The following SART3 variants were observed in gnomAD, a reference collection of about 807,000 sequenced individuals.
The protein encoded by SART3 is spliceosome associated factor 3, U4/U6 recycling protein.
A neutral mutation model predicts 122.3 loss-of-function variants in SART3; 44 were observed. The ratio of observed to expected loss-of-function variants is 0.36; its 90% CI spans 0.28 to 0.46. SART3 has a LOEUF of 0.46. SART3 is among the 20% of genes least tolerant of loss of function. The pLI is 1.00. For missense variants in SART3, 1,101 were observed against 1,229.0 expected, an observed-to-expected ratio of 0.90 and a Z score of 1.56; for synonymous variants, 442 against 454.0, an observed-to-expected ratio of 0.97 and a Z score of 0.34.
At chr12:108,550,013 C>CAAAAAAAAAAAAAAAAAAA (rs10572379) in intron 1 of SART3, among the ~76,000 whole-genome samples, 1 of 88,244 alleles carries the variant, frequency 1.1e-5, no homozygotes, top group Non-Finnish European at 2.2e-5. Context: ...GACCCAATCT[C>CAAAAAAAAAAAAAAAAAAA]AAAAAAAAAA....
chr12:108,526,666 C>T (rs1872400400), intron 15 of SART3, 113 bp from the exon 16 acceptor site: 1 of 1,141,472 alleles, frequency 8.8e-7, no homozygotes, highest in South Asian at 1.3e-5. Context: ...CACTTACTCC[C>T]TCACCAGACT....
chr12:108,560,979 T>C lies in SART3; in HGVS notation c.176A>G (p.Glu59Gly). The change falls in exon 1 of 19, where the codon GAG (glutamate) becomes GGG (glycine). Residue 59 changes from glutamate (E) to glycine (G), a missense_variant. Coordinates refer to ENST00000546815, the MANE Select transcript of SART3 (RefSeq NM_014706.4). The stretch of plus-strand genomic sequence containing the variant: ...CCCATCGCTCTCGCTCACGCCTTCC[T>C]CCTGCTGATCCCACGCTGGCCCCAT... ...KTMGPAWDQQ[E>G]EGVSESDGDE... is the part of the protein sequence containing the mutation. The C allele has an allele frequency of 6.2e-7, 1 of 1,614,148 alleles. No individual in the cohort carries two copies. Among genetic ancestry groups the C allele is most frequent in the Non-Finnish European group, 8.5e-7 (1 of 1,180,008 alleles).
At chr12:108,542,829 C>T in intron 6 of SART3, 199 bp downstream of exon 6, 1 of 738,782 alleles carries the variant, frequency 1.4e-6, no homozygotes, top group Non-Finnish European at 2.3e-6. Flanking sequence ...TTCTAAGGTA[C>T]TGGCAATGTT....
At chr12:108,543,225 G>T in intron 5 of SART3, 73 bp from the exon 6 acceptor site, 1 of 1,573,652 alleles carries the variant, frequency 6.4e-7, no homozygotes, top group Non-Finnish European at 8.7e-7. Context: ...ATTAAGCCAT[G>T]AGACTCAGGT....
In SART3 at chr12:108,553,787, G is replaced by A. The variant is rs79769772; in HGVS notation, c.313-4573C>T. Among the ~76,000 whole-genome samples, 759 of 152,248 alleles carry A rather than the reference G, an allele frequency of 5.0e-3. 8 individuals carry two copies. The highest frequency in any genetic ancestry group is 0.016 in the African/African-American group (674 of 41,530). On this transcript the variant is annotated intron_variant, in intron 1 of 18. Coordinates refer to ENST00000546815, the MANE Select transcript of SART3 (RefSeq NM_014706.4). ...AGAGAATACAAATATGAAGGATTAC[G>A]GGGTTTTGTTCAAGTGTTTAGATTT... is the stretch of plus-strand genomic sequence containing the variant.
At chr12:108,544,607 C>A in intron 4 of SART3, 129 bp from the exon 5 acceptor site, 3 of 1,320,092 alleles carry the variant, frequency 2.3e-6, no homozygotes, top group Non-Finnish European at 3.3e-6. Flanking sequence ...CTTGCTGTCA[C>A]CCTGGCTGGA....
intron 1 of SART3, among the ~76,000 whole-genome samples, chr12:108,552,553 AC>A (rs2030054806): frequency 1.3e-5 from 2 of 151,782 alleles, no homozygotes; most frequent in African/African-American, 4.8e-5. Context: ...AAAAAAAAAA[AC>A]AAAAGAACAT....
intron 6 of SART3, among the ~76,000 whole-genome samples, chr12:108,539,686 C>T (rs928438491): frequency 2.6e-5 from 4 of 152,170 alleles, no homozygotes; most frequent in South Asian, 2.1e-4. Flanking sequence ...ATTGAATGAT[C>T]GAAGTTTTGG....
chr12:108,561,037 A>G lies in SART3; in HGVS notation c.118T>C (p.Ser40Pro). ...KAARTRRKVLSRAVAAATYKT... is the reference protein window; with the variant it reads ...KAARTRRKVLPRAVAAATYKT... ...TATGTCGCAGCGGCCACAGCCCGCG[A>G]TAACACCTTCCTCCTTGTCCTAGCC... Residue 40 changes from serine to proline, a missense_variant, in exon 1 of 19, where the codon TCG (serine) becomes CCG (proline). Around this residue, in one of 2 missense-constraint regions of SART3, gnomAD observed 216 missense variants for 148.9 expected, o/e 1.45. Coordinates refer to ENST00000546815, the MANE Select transcript of SART3 (RefSeq NM_014706.4). 6.2e-7 allele frequency: 1 copy of G among 1,614,144 alleles called. No individual in the cohort carries two copies. Among genetic ancestry groups the G allele is most frequent in the Non-Finnish European group, 8.5e-7 (1 of 1,179,996 alleles).
intron 9 of SART3, 77 bp downstream of exon 9, chr12:108,537,411 G>A: frequency 9.4e-7 from 1 of 1,063,560 alleles, no homozygotes. Flanking sequence ...CAATGTATCT[G>A]GGGAACTGGG....
intron 1 of SART3, among the ~76,000 whole-genome samples, chr12:108,550,776 T>A (rs10778645): frequency 6.6e-6 from 1 of 151,992 alleles, no homozygotes; most frequent in African/African-American, 2.4e-5. Flanking sequence ...ACAGGAGAAT[T>A]GCTTGAACCC....
chr12:108,532,398 G>A, intron 12 of SART3, 64 bp from the exon 13 acceptor site: 1 of 1,356,890 alleles, frequency 7.4e-7, no homozygotes, highest in Non-Finnish European at 1.0e-6. Flanking sequence ...CGAAGGGAGA[G>A]GCCGTCTTCT....
At chr12:108,530,885 G>A (rs1872654513) in intron 14 of SART3, among the ~76,000 whole-genome samples, 1 of 151,944 alleles carries the variant, frequency 6.6e-6, no homozygotes, top group Admixed American at 6.6e-5. Context: ...TAAAACTGAA[G>A]CCCTAAATAA....
intron 1 of SART3, among the ~76,000 whole-genome samples, chr12:108,551,273 GATCA>G (rs1223732822): frequency 8.5e-5 from 13 of 152,116 alleles, no homozygotes; most frequent in Non-Finnish European, 1.3e-4. Flanking sequence ...ATAATAAATA[GATCA>G]ATCTACCAGG....
In SART3 at chr12:108,530,146, T is replaced by C; in HGVS notation, c.1911A>G (p.Glu637=). ...EDDEKEWGDD[E]EEQPSKRRRV... is the part of the protein sequence containing the mutation. ...AATTTCTCAAGAGCTCCTTACCTTC[T>C]TCATCATCGCCCCACTCTTTCTCAT... is the stretch of plus-strand genomic sequence containing the variant. The change falls in exon 15 of 19, where the codon GAA becomes GAG. Residue 637 remains glutamate (E), a synonymous_variant. Coordinates refer to ENST00000546815, the MANE Select transcript of SART3 (RefSeq NM_014706.4). The C allele has an allele frequency of 6.2e-7, 1 of 1,614,128 alleles. No homozygotes were observed. The highest frequency in any genetic ancestry group is 1.1e-5 in the South Asian group (1 of 91,082).
intron 15 of SART3, among the ~76,000 whole-genome samples, chr12:108,529,801 C>A (rs1301245400): frequency 2.0e-5 from 3 of 147,780 alleles, no homozygotes; most frequent in Non-Finnish European, 4.5e-5. Context: ...TGCAGGTCAT[C>A]AGAGTAAAAA....
At position 108,544,413 on chromosome 12, in the gene SART3, T is replaced by C. The variant is rs1409954276; in HGVS notation, c.781+14A>G. 3 of 1,608,852 alleles carry C rather than the reference T, an allele frequency of 1.9e-6. No individual in the cohort carries two copies. The highest frequency in any genetic ancestry group is 2.6e-6 in the Non-Finnish European group (3 of 1,175,126). ...CCATAGAGGGCTGGCTGTTGACATG[T>C]CAGTTTCTCTTACCATAGAGTGGGA... On this transcript the variant is annotated intron_variant, in intron 5 of 18. Coordinates refer to ENST00000546815, the MANE Select transcript of SART3 (RefSeq NM_014706.4).
intron 6 of SART3, among the ~76,000 whole-genome samples, chr12:108,541,692 C>A (rs1311470765): frequency 1.3e-5 from 2 of 152,002 alleles, no homozygotes; most frequent in African/African-American, 2.4e-5. Context: ...GCGCCCGCCA[C>A]CATGCCCAGC....
chr12:108,540,551 C>T (rs1873113411), intron 6 of SART3, among the ~76,000 whole-genome samples: 1 of 146,182 alleles, frequency 6.8e-6, no homozygotes, highest in South Asian at 2.3e-4. Context: ...AAATTGATCT[C>T]CAGGTTCAAT....
Sources: gnomAD v4.1 joint callset for allele counts (sites outside exome capture counted in the v4.1 genomes callset) on GRCh38, gnomAD v4.1.1 for gene constraint, gnomAD v4.1.1 regional missense constraint, MANE v1.5 for transcripts, NCBI Gene and HGNC (gene_info 2026-07-23, HGNC 2026-07-21) for gene names.